The following SPANXN5 variants were observed in gnomAD, a reference collection of about 807,000 sequenced individuals.
SPANXN5 encodes sperm protein associated with the nucleus on the X chromosome N5.
A neutral mutation model predicts 4.5 loss-of-function variants in SPANXN5; 5 were observed. That is an observed-to-expected ratio of 1.11 (90% confidence interval 0.58 to 2.33). The LOEUF (loss-of-function observed/expected upper bound fraction) is 2.33, where lower values mean the gene tolerates loss of function less well. SPANXN5 is among the 30% of genes most tolerant of loss of function. The pLI, the probability that SPANXN5 is intolerant of heterozygous loss-of-function variation, is 0.01. For synonymous variants in SPANXN5, 20 were observed against 20.4 expected, an observed-to-expected ratio of 0.98 and a Z score of 0.05; for missense variants, 41 against 50.3, an observed-to-expected ratio of 0.82 and a Z score of 0.56.
chrX:52,796,768 C>T (rs1314544075), intron 1 of SPANXN5, 137 bp from the exon 2 acceptor site: 50 of 876,286 alleles, frequency 5.7e-5, no homozygotes, highest in Non-Finnish European at 8.1e-5. Context: ...AAGGTTGACT[C>T]ACAGGGTAGG....
Position 52,796,387 on chromosome X carries a change from T to C in SPANXN5, c.*101A>G. On this transcript the variant is annotated 3_prime_UTR_variant, in exon 2 of 2. Transcript: ENST00000375511. ...TGAAGATCCTTCAGGTAATTGTAGG[T>C]CTTCATCCTGCTTTGAAGATTCTGC... 2 of 1,090,133 alleles carry C rather than the reference T, an allele frequency of 1.8e-6. No individual in the cohort carries two copies. Among genetic ancestry groups the C allele is most frequent in the South Asian group, 4.2e-5 (2 of 47,639 alleles). 89.8% of individuals were successfully genotyped at this position (1,090,133 alleles called of 1,213,427 possible).
chrX:52,796,801 C>G (rs1371758094), intron 1 of SPANXN5, among the ~76,000 whole-genome samples, 170 bp from the exon 2 acceptor site: 1 of 111,060 alleles, frequency 9.0e-6, no homozygotes, highest in Non-Finnish European at 1.9e-5. Context: ...AGAAGAGGAG[C>G]ATGGGTAGGG....
At position 52,796,301 on chromosome X, in the gene SPANXN5, A is replaced by G; in HGVS notation, c.*187T>C. ...TCCTCCATCAAAGATCCTTCAGATG[A>G]GTCTAGGTCTTCATCCTCTTGTGAA... On this transcript the variant is annotated 3_prime_UTR_variant, in exon 2 of 2. Transcript: ENST00000375511. 1.7e-6 allele frequency: 1 copy of G among 598,074 alleles called. No individual in the cohort carries two copies. Among genetic ancestry groups the G allele is most frequent in the Non-Finnish European group, 2.7e-6 (1 of 375,774 alleles). 49.3% of individuals were successfully genotyped at this position (598,074 alleles called of 1,213,427 possible).
chrX:52,797,413 T>A lies in SPANXN5; in HGVS notation c.-65A>T. On this transcript the variant is annotated 5_prime_UTR_variant, in exon 1 of 2. Coordinates refer to ENST00000375511, the MANE Select transcript of SPANXN5 (RefSeq NM_001009616.4). ...TAGAGTCCAGACTTCCACAGCTATA[T>A]TGAAGCTTCCCAGTGGCCCAGAGCT... The A allele has an allele frequency of 1.8e-6, 2 of 1,123,690 alleles. No homozygotes were observed. Among genetic ancestry groups the A allele is most frequent in the Non-Finnish European group, 2.4e-6 (2 of 819,593 alleles). The allele number at this position is 1,123,690 out of a possible 1,213,427, so 92.6% of individuals were successfully genotyped here.
chrX:52,797,271 T>C lies in SPANXN5; in HGVS notation c.75+3A>G. ...CCTTCACTTCAAAACCTAACAATCT[T>C]ACCTCATCATTTTTGCTGTTGGAGT... On this transcript the variant is annotated splice_donor_region_variant and intron_variant, in intron 1 of 1. Transcript: ENST00000375511. The C allele has an allele frequency of 8.3e-7, 1 of 1,209,710 alleles. No homozygotes were observed. Among genetic ancestry groups the C allele is most frequent in the Non-Finnish European group, 1.1e-6 (1 of 894,011 alleles).
rs781910625 is a variant in SPANXN5 at position 52,796,474 on chromosome X, T to C, written c.*14A>G. Reference sequence around the variant, plus strand: ...TTCGTCCTCCTCCTCTTGGACTGGATTGATGGAGTTCTCTCAGGACTGGTC... The same window carrying C: ...TTCGTCCTCCTCCTCTTGGACTGGACTGATGGAGTTCTCTCAGGACTGGTC... On this transcript the variant is annotated 3_prime_UTR_variant, in exon 2 of 2. Coordinates refer to ENST00000375511, the MANE Select transcript of SPANXN5 (RefSeq NM_001009616.4). 1.7e-6 allele frequency: 2 copies of C among 1,207,377 alleles called. No homozygotes were observed. The highest frequency in any genetic ancestry group is 1.1e-6 in the Non-Finnish European group (1 of 892,833).
chrX:52,796,903 G>A (rs1245186768), intron 1 of SPANXN5, among the ~76,000 whole-genome samples: 1 of 111,456 alleles, frequency 9.0e-6, no homozygotes, highest in Non-Finnish European at 1.9e-5. Flanking sequence ...GGTTCAGGCC[G>A]TGAGAAACAT....
chrX:52,797,050 G>A (rs1556775794), intron 1 of SPANXN5, among the ~76,000 whole-genome samples: 1 of 111,098 alleles, frequency 9.0e-6, no homozygotes, highest in African/African-American at 3.3e-5. Context: ...CTGATCATAA[G>A]AACATCTTAT....
Position 52,796,675 on chromosome X carries a change from T to C in SPANXN5, c.76-44A>G, listed in dbSNP as rs782632324. ...GAGGCCAGAAAGACATTATTTTGGGTGAATAGGATAGAGACTGGATAGCAA... is the reference window on the plus strand; with the variant it reads ...GAGGCCAGAAAGACATTATTTTGGGCGAATAGGATAGAGACTGGATAGCAA... On this transcript the variant is annotated intron_variant, in intron 1 of 1. Transcript: ENST00000375511. 6 of 1,202,783 alleles carry C rather than the reference T, an allele frequency of 5.0e-6. No individual in the cohort carries two copies. The African/African-American group carries it at 5.3e-5, about 11-fold the overall frequency.
intron 1 of SPANXN5, 75 bp downstream of exon 1, chrX:52,797,199 T>G: frequency 9.3e-7 from 1 of 1,071,982 alleles, no homozygotes; most frequent in Non-Finnish European, 1.3e-6. Flanking sequence ...TATTCCTGTG[T>G]TGCTGTTTGA....
At position 52,796,576 on chromosome X, in the gene SPANXN5, T is replaced by C; in HGVS notation, c.131A>G (p.Lys44Arg). 1 of 1,211,631 alleles carries C rather than the reference T, an allele frequency of 8.3e-7. No individual in the cohort carries two copies. Among genetic ancestry groups the C allele is most frequent in the Non-Finnish European group, 1.1e-6 (1 of 895,385 alleles). The change falls in exon 2 of 2, where the codon AAA (lysine) becomes AGA (arginine). Residue 44 changes from lysine to arginine, a missense_variant. Transcript: ENST00000375511. ...LVLEPSLKKM[K>R]TSEYSTVLVL... ...TAATACTGTTGAATATTCTGATGTT[T>C]TCATCTTTTTCAAACTCGGTTCGAG... is the stretch of plus-strand genomic sequence containing the variant.
intron 1 of SPANXN5, 88 bp from the exon 2 acceptor site, chrX:52,796,719 G>A (rs782500249): frequency 7.9e-6 from 9 of 1,140,616 alleles, no homozygotes; most frequent in Non-Finnish European, 9.5e-6. Flanking sequence ...TTATGAGAAG[G>A]AATGCAGGTT....
intron 1 of SPANXN5, 87 bp downstream of exon 1, chrX:52,797,187 A>G (rs1346498978): frequency 1.0e-6 from 1 of 1,003,295 alleles, no homozygotes; most frequent in East Asian, 3.1e-5. Context: ...AAGCGTCTGC[A>G]GTATTCCTGT....
chrX:52,797,384 C>A lies in SPANXN5; in HGVS notation c.-36G>T. 1 of 1,181,385 alleles carries A rather than the reference C, an allele frequency of 8.5e-7. No homozygotes were observed. Among genetic ancestry groups the A allele is most frequent in the Non-Finnish European group, 1.2e-6 (1 of 868,761 alleles). On this transcript the variant is annotated 5_prime_UTR_variant, in exon 1 of 2. Transcript: ENST00000375511. ...GGTTGTTGAATGTCTACAGCAGGAT[C>A]TTGTAGAGTCCAGACTTCCACAGCT...
chrX:52,796,237 C>T lies in SPANXN5; in HGVS notation c.*251G>A. On this transcript the variant is annotated 3_prime_UTR_variant, in exon 2 of 2. Coordinates refer to ENST00000375511, the MANE Select transcript of SPANXN5 (RefSeq NM_001009616.4). Reference sequence around the variant, plus strand: ...CTCCATGTTTAATTAGTCTTCCTCACCCTCCTCTGACGATCCTTCAGATGA... The same window carrying T: ...CTCCATGTTTAATTAGTCTTCCTCATCCTCCTCTGACGATCCTTCAGATGA... 2.5e-6 allele frequency: 1 copy of T among 400,412 alleles called. No homozygotes were observed. Among genetic ancestry groups the T allele is most frequent in the Non-Finnish European group, 4.4e-6 (1 of 225,641 alleles). 33.0% of individuals were successfully genotyped at this position (400,412 alleles called of 1,213,427 possible). A position where few individuals can be genotyped will look rare whatever the true frequency, so the allele number is the denominator to read the frequency against.
chrX:52,797,268 T>G lies in SPANXN5; in HGVS notation c.75+6A>C. 8.3e-7 allele frequency: 1 copy of G among 1,209,568 alleles called. No individual in the cohort carries two copies. Among genetic ancestry groups the G allele is most frequent in the Non-Finnish European group, 1.1e-6 (1 of 893,995 alleles). On this transcript the variant is annotated splice_donor_region_variant and intron_variant, in intron 1 of 1. Coordinates refer to ENST00000375511, the MANE Select transcript of SPANXN5 (RefSeq NM_001009616.4). Reference sequence around the variant, plus strand: ...TCGCCTTCACTTCAAAACCTAACAATCTTACCTCATCATTTTTGCTGTTGG... The same window carrying G: ...TCGCCTTCACTTCAAAACCTAACAAGCTTACCTCATCATTTTTGCTGTTGG...
rs146656736 is a variant in SPANXN5 at position 52,796,511 on chromosome X, G to T, written c.196C>A (p.Gln66Lys). The T allele has an allele frequency of 3.3e-6, 4 of 1,209,499 alleles. No homozygotes were observed. The highest frequency in any genetic ancestry group is 4.5e-6 in the Non-Finnish European group (4 of 894,757). ...YRKTKKIHSN[Q>K]LENDQS ...TCTCAGGACTGGTCATTCTCGAGTT[G>T]ATTTGAATGTATTTTCTTAGTCTTC... is the stretch of plus-strand genomic sequence containing the variant. The change falls in exon 2 of 2, where the codon CAA becomes AAA. Residue 66 changes from glutamine (Q) to lysine (K), a missense_variant. Gln to Lys is a moderately conservative substitution (Grantham distance 53). Coordinates refer to ENST00000375511, the MANE Select transcript of SPANXN5 (RefSeq NM_001009616.4).
intron 1 of SPANXN5, among the ~76,000 whole-genome samples, chrX:52,796,842 T>G (rs1254278353): frequency 3.6e-5 from 4 of 111,468 alleles, no homozygotes; most frequent in African/African-American, 6.5e-5. Flanking sequence ...CACCATTTTG[T>G]AAGTTCTTTG....
At position 52,796,582 on chromosome X, in the gene SPANXN5, T is replaced by C. The variant is rs1556775724; in HGVS notation, c.125A>G (p.Lys42Arg). ...RDLVLEPSLK[K>R]MKTSEYSTVL... Reference sequence around the variant, plus strand: ...TGTTGAATATTCTGATGTTTTCATCTTTTTCAAACTCGGTTCGAGGACTAA... The same window carrying C: ...TGTTGAATATTCTGATGTTTTCATCCTTTTCAAACTCGGTTCGAGGACTAA... Residue 42 changes from lysine (K) to arginine (R), a missense_variant, in exon 2 of 2, where the codon AAG becomes AGG. Transcript: ENST00000375511. 8.3e-7 allele frequency: 1 copy of C among 1,211,789 alleles called. No homozygotes were observed. The highest frequency in any genetic ancestry group is 2.2e-5 in the Admixed American group (1 of 46,016).
Sources: gnomAD v4.1 joint callset for allele counts (sites outside exome capture counted in the v4.1 genomes callset) on GRCh38, gnomAD v4.1.1 for gene constraint, MANE v1.5 for transcripts, NCBI Gene and HGNC (gene_info 2026-07-23, HGNC 2026-07-21) for gene names.